JARID2: variants seen among roughly 807,000 people sequenced by gnomAD.
The protein encoded by JARID2 is jumonji and AT-rich interaction domain containing 2.
JARID2 carries 21 observed loss-of-function variants against 125.6 expected under a neutral mutation model. The ratio of observed to expected loss-of-function variants is 0.17; its 90% CI spans 0.12 to 0.24. The LOEUF is 0.24. Among genes scored for constraint, JARID2 ranks in the 10% least tolerant of loss-of-function variants. The probability of loss-of-function intolerance (pLI) is 1.00; values close to 1 mark genes in which losing one functional copy is unlikely to be tolerated. For synonymous variants in JARID2, 736 were observed against 661.6 expected (o/e 1.11, Z -1.73); for missense variants, 1,303 against 1,639.6 (o/e 0.79, Z 3.55).
At chr6:15,361,362 T>C (rs574794142) in intron 1 of JARID2, among the ~76,000 whole-genome samples, 92 of 152,314 alleles carry the variant, frequency 6.0e-4, no homozygotes, top group Non-Finnish European at 1.1e-3. Flanking sequence ...ACTTCTTTGC[T>C]CCGAAGTCTC....
At chr6:15,343,179 A>AGTG (rs1329156876) in intron 1 of JARID2, among the ~76,000 whole-genome samples, 1 of 144,240 alleles carries the variant, frequency 6.9e-6, no homozygotes, top group Admixed American at 7.3e-5. Flanking sequence ...CAGTGAGCCG[A>AGTG]GATCGTGCCA....
chr6:15,435,783 T>A (rs573533411), intron 3 of JARID2, among the ~76,000 whole-genome samples: 2 of 152,326 alleles, frequency 1.3e-5, no homozygotes, highest in South Asian at 4.1e-4. Context: ...ATAAGCTGTT[T>A]GGCACATTGG....
chr6:15,439,174 A>T (rs1260260637), intron 3 of JARID2, among the ~76,000 whole-genome samples: 1 of 152,138 alleles, frequency 6.6e-6, no homozygotes, highest in Admixed American at 6.5e-5. Context: ...GGACTCAGTG[A>T]AGCTAGGTTT....
intron 1 of JARID2, among the ~76,000 whole-genome samples, chr6:15,360,371 G>A (rs1763749389): frequency 6.6e-6 from 1 of 152,062 alleles, no homozygotes; most frequent in South Asian, 2.1e-4. Context: ...TTTTTGTAGA[G>A]ACGGAGTTTC....
At chr6:15,496,064 G>A in intron 6 of JARID2, 68 bp from the exon 7 acceptor site, 1 of 1,338,740 alleles carries the variant, frequency 7.5e-7, no homozygotes, top group Non-Finnish European at 1.0e-6. Context: ...CTCACGGGTG[G>A]GCCGGTCATT....
chr6:15,462,142 A>G (rs549839123), intron 4 of JARID2, among the ~76,000 whole-genome samples: 4 of 152,296 alleles, frequency 2.6e-5, no homozygotes, highest in South Asian at 4.2e-4. Context: ...TCTTGATACA[A>G]TGGAGATAAA....
intron 13 of JARID2, 68 bp from the exon 14 acceptor site, chr6:15,512,140 G>A (rs1581668266): frequency 1.2e-5 from 17 of 1,406,206 alleles, no homozygotes; most frequent in South Asian, 3.8e-5. Context: ...GTGCGCATAC[G>A]TCACCTGAAG....
At chr6:15,501,814 A>G (rs750715574) in intron 8 of JARID2, among the ~76,000 whole-genome samples, 18 of 152,114 alleles carry the variant, frequency 1.2e-4, no homozygotes, top group Non-Finnish European at 1.6e-4. Flanking sequence ...TGCGTGTTGC[A>G]TGCACGTGCA....
rs760618559 is a variant in JARID2, at chr6:15,521,540, GAAC to G, written c.*1298_*1300del. On this transcript the variant is annotated 3_prime_UTR_variant, in exon 18 of 18. Transcript: ENST00000341776. ...ATTTATAAGTGCTGCTTACATCACTGAACAACAACAAAAAAATAATAATGGAGT... is the reference window on the plus strand; with the variant it reads ...ATTTATAAGTGCTGCTTACATCACTGAACAACAAAAAAATAATAATGGAGT... 17 of 152,122 alleles carry G rather than the reference GAAC, an allele frequency of 1.1e-4. No homozygotes were observed. Among genetic ancestry groups the G allele is most frequent in the South Asian group, 4.2e-4 (2 of 4,806 alleles). The allele number at this position is 152,122 out of a possible 1,614,324, so 9.4% of individuals were successfully genotyped here. A position where few individuals can be genotyped will look rare whatever the true frequency, so the allele number is the denominator to read the frequency against.
At chr6:15,421,374 C>G (rs1015986918) in intron 3 of JARID2, among the ~76,000 whole-genome samples, 2 of 151,262 alleles carry the variant, frequency 1.3e-5, no homozygotes, top group South Asian at 4.2e-4. Flanking sequence ...ATGGAACTAG[C>G]CACGGTCATA....
intron 4 of JARID2, among the ~76,000 whole-genome samples, chr6:15,456,535 A>T (rs891520440): frequency 3.9e-5 from 6 of 152,008 alleles, no homozygotes; most frequent in African/African-American, 1.4e-4. Context: ...TATTTCTTTT[A>T]TACTTTTTTT....
intron 16 of JARID2, among the ~76,000 whole-genome samples, chr6:15,513,832 C>T (rs1303916735): frequency 6.6e-6 from 1 of 152,264 alleles, no homozygotes; most frequent in Non-Finnish European, 1.5e-5. Context: ...GCCTGGTGCA[C>T]CTGGGCCCAT....
chr6:15,331,334 T>TCAAAAAAAACAAAAACAAAAA (rs1446389467), intron 1 of JARID2, among the ~76,000 whole-genome samples: 1 of 113,246 alleles, frequency 8.8e-6, no homozygotes, highest in Non-Finnish European at 2.1e-5. Flanking sequence ...AGATCCTGCC[T>TCAAAAAAAACAAAAACAAAAA]CAAAAAAAAC....
At chr6:15,475,281 A>G (rs1466078347) in intron 5 of JARID2, among the ~76,000 whole-genome samples, 1 of 152,272 alleles carries the variant, frequency 6.6e-6, no homozygotes. Flanking sequence ...AAAGGCAATC[A>G]GGCACCAGTG....
intron 1 of JARID2, 46 bp from the exon 2 acceptor site, chr6:15,374,071 C>T (rs765987038): frequency 1.3e-6 from 2 of 1,597,348 alleles, no homozygotes; most frequent in Non-Finnish European, 1.7e-6. Context: ...TGAATATTGC[C>T]TTGCTTTCTA....
intron 1 of JARID2, among the ~76,000 whole-genome samples, chr6:15,337,213 G>A (rs1762908140): frequency 6.6e-6 from 1 of 152,162 alleles, no homozygotes; most frequent in Non-Finnish European, 1.5e-5. Context: ...TCTTACATGA[G>A]AGAGGTTTGA....
At chr6:15,313,960 C>T (rs530206460) in intron 1 of JARID2, among the ~76,000 whole-genome samples, 1 of 152,116 alleles carries the variant, frequency 6.6e-6, no homozygotes, top group Admixed American at 6.5e-5. Flanking sequence ...TCTAGAAGCC[C>T]TCATGGAGGT....
chr6:15,400,958 C>T (rs1477101496), intron 2 of JARID2: 8 of 1,289,514 alleles, frequency 6.2e-6, no homozygotes, highest in Non-Finnish European at 8.1e-6. Context: ...AGGATGGCTG[C>T]TCCACGGGTC....
At chr6:15,494,554 G>A (rs566064646) in intron 6 of JARID2, among the ~76,000 whole-genome samples, 2 of 151,588 alleles carry the variant, frequency 1.3e-5, no homozygotes, top group South Asian at 2.1e-4. Context: ...GACTACAGGC[G>A]CACACCGCCA....
Sources: gnomAD v4.1 joint callset for allele counts (sites outside exome capture counted in the v4.1 genomes callset) on GRCh38, gnomAD v4.1.1 for gene constraint, MANE v1.5 for transcripts, NCBI Gene and HGNC (gene_info 2026-07-23, HGNC 2026-07-21) for gene names.